Variants in LRP1B observed in about 807,000 individuals in gnomAD.
The protein encoded by LRP1B is low-density lipoprotein receptor-related protein 1B.
In LRP1B, 217 loss-of-function variants were observed where a neutral mutation model predicts 556.6. The ratio of observed to expected loss-of-function variants is 0.39; its 90% confidence interval spans 0.35 to 0.44. The LOEUF is 0.44. Ranked by LOEUF, LRP1B falls within the 20% of genes least tolerant of loss-of-function variation. The pLI is 1.00. For missense variants in LRP1B, 5,053 were observed against 5,620.8 expected (o/e 0.90, Z 3.23); for synonymous variants, 2,047 against 1,865.8 (o/e 1.10, Z -2.50).
At chr2:141,214,374 T>A (rs1682695513) in intron 6 of LRP1B, among the ~76,000 whole-genome samples, 1 of 152,208 alleles carries the variant, frequency 6.6e-6, no homozygotes, top group African/African-American at 2.4e-5. Context: ...CCCGAGCCTG[T>A]CCTTTAACTG....
intron 20 of LRP1B, among the ~76,000 whole-genome samples, chr2:140,929,753 GACTCACAC>G (rs1694992702): frequency 1.8e-5 from 1 of 54,286 alleles, no homozygotes; most frequent in South Asian, 8.2e-4. Flanking sequence ...CAGTCATATA[GACTCACAC>G]ACACACACAC....
chr2:141,254,504 G>A lies in LRP1B; in HGVS notation c.463+18C>T, dbSNP rs745896557. On this transcript the variant is annotated intron_variant, in intron 4 of 90. Coordinates refer to ENST00000389484, the MANE Select transcript of LRP1B (RefSeq NM_018557.3). ...GCCTCTATAAACAAAATTTGATGGC[G>A]TTATATGTTTTACTTACCTTTACAG... The A allele has an allele frequency of 6.8e-5, 110 of 1,609,904 alleles. No homozygotes were observed. The highest frequency in any genetic ancestry group is 1.2e-4 in the Admixed American group (7 of 59,778).
At chr2:141,276,272 T>C (rs988432440) in intron 3 of LRP1B, among the ~76,000 whole-genome samples, 8 of 151,500 alleles carry the variant, frequency 5.3e-5, no homozygotes, top group African/African-American at 1.9e-4. Context: ...ATTTCAATTA[T>C]TCTTTGGCTT....
intron 41 of LRP1B, among the ~76,000 whole-genome samples, chr2:140,663,481 T>C (rs1685166347): frequency 6.6e-6 from 1 of 152,208 alleles, no homozygotes; most frequent in Admixed American, 6.5e-5. Context: ...CTTACACTTT[T>C]ATTGTATGGA....
At chr2:141,282,538 G>C (rs910564362) in intron 3 of LRP1B, among the ~76,000 whole-genome samples, 1 of 141,918 alleles carries the variant, frequency 7.0e-6, no homozygotes, top group Non-Finnish European at 1.6e-5. Flanking sequence ...TTCAAAGGAA[G>C]GAGAGAATAT....
chr2:142,046,925 C>T (rs111261145), intron 1 of LRP1B, among the ~76,000 whole-genome samples: 1,969 of 152,090 alleles, frequency 0.013, 39 homozygotes, highest in African/African-American at 0.045. Flanking sequence ...TGTACATACT[C>T]ACTTTTCTGG....
In LRP1B at chr2:141,548,647, A is replaced by T. The variant is rs550595790; in HGVS notation, c.206-68114T>A. ...GATTTTTTTTGGTACATGACCCAAG[A>T]CTTGCTCTGCTTGATTGTTAATCCA... On this transcript the variant is annotated intron_variant, in intron 2 of 90. Transcript: ENST00000389484. 2.6e-5 allele frequency among the ~76,000 whole-genome samples: 4 copies of T among 152,266 alleles called. No individual in the cohort carries two copies. The South Asian group carries it at 8.3e-4, about 32-fold the overall frequency.
intron 32 of LRP1B, among the ~76,000 whole-genome samples, chr2:140,790,118 T>G (rs1690060447): frequency 6.6e-6 from 1 of 152,136 alleles, no homozygotes; most frequent in Admixed American, 6.5e-5. Context: ...ATTTATGCAT[T>G]TACTATCTTC....
intron 3 of LRP1B, among the ~76,000 whole-genome samples, chr2:141,285,502 G>A (rs1216781276): frequency 1.6e-4 from 21 of 127,530 alleles, no homozygotes; most frequent in Non-Finnish European, 2.5e-4. Flanking sequence ...GTCGCCCAGG[G>A]TGGAGTGCAA....
chr2:140,483,640 ATTTT>A (rs1178469364), intron 59 of LRP1B, among the ~76,000 whole-genome samples: 7,221 of 70,430 alleles, frequency 0.1, 311 homozygotes, highest in East Asian at 0.23. Flanking sequence ...ATATATATAT[ATTTT>A]TTTTTTTTTT....
At chr2:141,595,825 C>T (rs1164205210) in intron 2 of LRP1B, among the ~76,000 whole-genome samples, 1 of 151,954 alleles carries the variant, frequency 6.6e-6, no homozygotes, top group Non-Finnish European at 1.5e-5. Flanking sequence ...GAAGAATATC[C>T]AGTGTTGCAT....
At position 141,935,923 on chromosome 2, in the gene LRP1B, A is replaced by G. The variant is rs150376157; in HGVS notation, c.83-125522T>C. On this transcript the variant is annotated intron_variant, in intron 1 of 90. Transcript: ENST00000389484. ...AGCAACATGAGACCCTGTCTCTTAA[A>G]AAGTAATTAATATACTTTACTACAT... Among the ~76,000 whole-genome samples, 31 of 152,340 alleles carry G rather than the reference A, an allele frequency of 2.0e-4. No individual in the cohort carries two copies. The East Asian group carries it at 5.8e-3, about 28-fold the overall frequency.
intron 2 of LRP1B, among the ~76,000 whole-genome samples, chr2:141,730,653 G>A (rs1246295953): frequency 6.6e-6 from 1 of 152,114 alleles, no homozygotes; most frequent in African/African-American, 2.4e-5. Flanking sequence ...ATTACTAATT[G>A]TAGTATTTAT....
chr2:140,895,479 G>T (rs563150447), intron 23 of LRP1B, among the ~76,000 whole-genome samples: 10 of 151,012 alleles, frequency 6.6e-5, no homozygotes, highest in African/African-American at 2.5e-4. Flanking sequence ...TGCTCGCAGG[G>T]GCCAGAAGGA....
chr2:141,327,888 G>GAGAGAC (rs1553496566), intron 3 of LRP1B, among the ~76,000 whole-genome samples: 2 of 145,506 alleles, frequency 1.4e-5, no homozygotes, highest in African/African-American at 2.8e-5. Context: ...GAGAGAGAGA[G>GAGAGAC]AGAGAGAGAG....
intron 11 of LRP1B, among the ~76,000 whole-genome samples, chr2:141,042,276 G>GGA (rs1338868916): frequency 6.6e-6 from 1 of 152,114 alleles, no homozygotes; most frequent in East Asian, 1.9e-4. Flanking sequence ...GCAATCAACA[G>GGA]GCATGCTTAT....
chr2:141,550,285 T>A (rs1330626196), intron 2 of LRP1B, among the ~76,000 whole-genome samples: 1 of 152,208 alleles, frequency 6.6e-6, no homozygotes, highest in Admixed American at 6.5e-5. Context: ...GTGAATTTTA[T>A]AAACCTGTCC....
intron 2 of LRP1B, among the ~76,000 whole-genome samples, chr2:141,590,519 T>C (rs1687298496): frequency 6.6e-6 from 1 of 152,100 alleles, no homozygotes; most frequent in Admixed American, 6.6e-5. Context: ...GGGATGTCAT[T>C]CTGAATTAAG....
At chr2:141,475,625 G>A (rs1440688376) in intron 3 of LRP1B, among the ~76,000 whole-genome samples, 1 of 151,908 alleles carries the variant, frequency 6.6e-6, no homozygotes, top group Admixed American at 6.6e-5. Context: ...CCCCTATCCT[G>A]TACCCATATA....
Sources: allele counts gnomAD v4.1 joint callset (sites outside exome capture counted in the v4.1 genomes callset), GRCh38; gene constraint gnomAD v4.1.1; transcripts MANE v1.5; gene names NCBI Gene and HGNC (gene_info 2026-07-23, HGNC 2026-07-21).